STT3B: variants seen among roughly 807,000 people sequenced by gnomAD.
STT3B encodes dolichyl-diphosphooligosaccharide--protein glycosyltransferase subunit STT3B.
STT3B carries 29 observed loss-of-function variants against 96.8 expected under a neutral mutation model. That is an observed-to-expected ratio of 0.30 (90% CI 0.22 to 0.41). The LOEUF (loss-of-function observed/expected upper bound fraction) is 0.41, where lower values mean the gene tolerates loss of function less well. Among genes scored for constraint, STT3B ranks in the 10% least tolerant of loss-of-function variants. The probability of loss-of-function intolerance (pLI) is 1.00; values close to 1 mark genes in which losing one functional copy is unlikely to be tolerated. For synonymous variants in STT3B, 367 were observed against 360.0 expected, an observed-to-expected ratio of 1.02 and a Z score of -0.22; for missense variants, 640 against 1,022.3, an observed-to-expected ratio of 0.63 and a Z score of 5.10.
intron 5 of STT3B, among the ~76,000 whole-genome samples, chr3:31,608,241 T>G (rs1308652997): frequency 6.6e-6 from 1 of 152,216 alleles, no homozygotes; most frequent in African/African-American, 2.4e-5. Context: ...GGTTTTCATT[T>G]AAAATTAGAA....
At chr3:31,554,296 A>G (rs906311900) in intron 1 of STT3B, among the ~76,000 whole-genome samples, 3 of 152,208 alleles carry the variant, frequency 2.0e-5, no homozygotes, top group Non-Finnish European at 4.4e-5. Flanking sequence ...GAGCCAATGG[A>G]AAAAATGAGC....
intron 1 of STT3B, among the ~76,000 whole-genome samples, chr3:31,541,945 A>G (rs1697285065): frequency 6.6e-6 from 1 of 152,066 alleles, no homozygotes; most frequent in African/African-American, 2.4e-5. Context: ...TTATAGCGGG[A>G]GGTGCCTCTA....
At chr3:31,578,980 A>T (rs1698319900) in intron 2 of STT3B, among the ~76,000 whole-genome samples, 1 of 152,010 alleles carries the variant, frequency 6.6e-6, no homozygotes, top group Non-Finnish European at 1.5e-5. Flanking sequence ...GTTATGGAGT[A>T]AAAAAAGAGT....
In STT3B at chr3:31,611,182, A is replaced by G. The variant is rs575572273; in HGVS notation, c.878-3923A>G. 2.6e-5 allele frequency among the ~76,000 whole-genome samples: 4 copies of G among 152,304 alleles called. No homozygotes were observed. In the East Asian group the frequency reaches 5.8e-4, roughly 22 times the overall value. ...AAAACACTAGAGAACAGTACCAGAC[A>G]TTAATTACCTCTTCGAAGTCCATGT... On this transcript the variant is annotated intron_variant, in intron 5 of 15. Transcript: ENST00000295770.
At chr3:31,539,515 C>T (rs1468063311) in intron 1 of STT3B, among the ~76,000 whole-genome samples, 1 of 152,112 alleles carries the variant, frequency 6.6e-6, no homozygotes, top group Non-Finnish European at 1.5e-5. Context: ...CACCCTCTGC[C>T]TCCAGGGCCA....
intron 3 of STT3B, among the ~76,000 whole-genome samples, chr3:31,584,837 TTTCTC>T (rs1477802152): frequency 5.3e-5 from 8 of 152,152 alleles, no homozygotes; most frequent in Admixed American, 5.2e-4. Flanking sequence ...CTCATTCAGT[TTTCTC>T]TTAAGATACA....
rs552833099 is a variant in STT3B at position 31,580,167 on chromosome 3, G to A, written c.711+71G>A. ...TCTCCTGAAACACTTTAGGCTGTAC[G>A]CAGATTTGTCTTTTACAAATTATGT... On this transcript the variant is annotated intron_variant, in intron 3 of 15. Transcript: ENST00000295770. The A allele has an allele frequency of 1.9e-5, 28 of 1,472,796 alleles. No individual in the cohort carries two copies. In the African/African-American group the frequency reaches 2.7e-4, roughly 14 times the overall value. 91.2% of individuals were successfully genotyped at this position (1,472,796 alleles called of 1,614,324 possible).
At chr3:31,551,692 G>C (rs564989915) in intron 1 of STT3B, among the ~76,000 whole-genome samples, 1 of 152,278 alleles carries the variant, frequency 6.6e-6, no homozygotes, top group East Asian at 1.9e-4. Context: ...TTACAGAAAG[G>C]GTTATTTTCA....
intron 4 of STT3B, among the ~76,000 whole-genome samples, chr3:31,598,504 C>G (rs1056602344): frequency 6.6e-6 from 1 of 152,108 alleles, no homozygotes; most frequent in African/African-American, 2.4e-5. Context: ...AAAGACTGTT[C>G]TTCTGGCCCA....
intron 1 of STT3B, among the ~76,000 whole-genome samples, chr3:31,574,592 A>T (rs1432860094): frequency 6.6e-6 from 1 of 152,132 alleles, no homozygotes; most frequent in Admixed American, 6.6e-5. Flanking sequence ...TCTGGTAAAT[A>T]CTTCTTGGAA....
Position 31,619,602 on chromosome 3 carries a change from CAA to C in STT3B, c.1173-73_1173-72del. 13 of 1,308,922 alleles carry C rather than the reference CAA, an allele frequency of 9.9e-6. No individual in the cohort carries two copies. In the South Asian group the frequency reaches 1.8e-4, roughly 18 times the overall value. 81.1% of individuals were successfully genotyped at this position (1,308,922 alleles called of 1,614,324 possible). On this transcript the variant is annotated intron_variant, in intron 8 of 15. Coordinates refer to ENST00000295770, the MANE Select transcript of STT3B (RefSeq NM_178862.3). Reference sequence around the variant, plus strand: ...AGTAGGTACCATTTCTACAACCAAACAAGATTTCTTCATCTAAAAGGAACTCC... The same window carrying C: ...AGTAGGTACCATTTCTACAACCAAACGATTTCTTCATCTAAAAGGAACTCC...
At chr3:31,613,087 T>C (rs1214255939) in intron 5 of STT3B, among the ~76,000 whole-genome samples, 1 of 151,984 alleles carries the variant, frequency 6.6e-6, no homozygotes. Context: ...GCTTAGTGAG[T>C]GTAGGGTTTT....
chr3:31,628,514 TA>T (rs1165438512), intron 13 of STT3B, among the ~76,000 whole-genome samples: 5 of 152,172 alleles, frequency 3.3e-5, no homozygotes, highest in African/African-American at 1.2e-4. Context: ...ATTTTGGCCA[TA>T]TACAAGTATC....
intron 5 of STT3B, among the ~76,000 whole-genome samples, chr3:31,613,217 C>T (rs1699224110): frequency 6.6e-6 from 1 of 151,986 alleles, no homozygotes; most frequent in South Asian, 2.1e-4. Context: ...GTGACTTTCA[C>T]CTCAATTTTT....
In STT3B at chr3:31,636,411, ATTC is replaced by A. The variant is rs1468413544; in HGVS notation, c.*350_*352del. 5.7e-6 allele frequency: 1 copy of A among 175,294 alleles called. No homozygotes were observed. The allele number at this position is 175,294 out of a possible 1,614,324, so 10.9% of individuals were successfully genotyped here. ...CACATGCATACTTGTCAATGTTTTTATTCTTTTACAAGACCTGCATTTTATTTG... is the reference window on the plus strand; with the variant it reads ...CACATGCATACTTGTCAATGTTTTTATTTTACAAGACCTGCATTTTATTTG... On this transcript the variant is annotated 3_prime_UTR_variant, in exon 16 of 16. Coordinates refer to ENST00000295770, the MANE Select transcript of STT3B (RefSeq NM_178862.3).
intron 5 of STT3B, among the ~76,000 whole-genome samples, chr3:31,610,979 C>T (rs553158680): frequency 6.6e-6 from 1 of 152,228 alleles, no homozygotes; most frequent in Non-Finnish European, 1.5e-5. Flanking sequence ...TAGAGCTCAC[C>T]ACTTTGATGG....
intron 5 of STT3B, 59 bp from the exon 6 acceptor site, chr3:31,615,046 T>C: frequency 1.0e-6 from 1 of 996,278 alleles, no homozygotes; most frequent in Non-Finnish European, 1.5e-6. Flanking sequence ...TATACATTTA[T>C]GTTTTAGGTA....
intron 5 of STT3B, among the ~76,000 whole-genome samples, chr3:31,611,129 T>C (rs1356193465): frequency 6.6e-6 from 1 of 152,182 alleles, no homozygotes; most frequent in African/African-American, 2.4e-5. Context: ...GAATGATGGC[T>C]ATGGGTTTGT....
In STT3B at chr3:31,628,662, T is replaced by A. The variant is rs535926858; in HGVS notation, c.2074-636T>A. ...AATTACCACAGGAGTCTTTTTAACATTGTCCTCCCCAAATAAAGCCGATTT... is the reference window on the plus strand; with the variant it reads ...AATTACCACAGGAGTCTTTTTAACAATGTCCTCCCCAAATAAAGCCGATTT... On this transcript the variant is annotated intron_variant, in intron 13 of 15. Transcript: ENST00000295770. 1.2e-4 allele frequency among the ~76,000 whole-genome samples: 19 copies of A among 152,286 alleles called. No individual in the cohort carries two copies. The South Asian group carries it at 3.7e-3, about 30-fold the overall frequency.
Sources: allele counts gnomAD v4.1 joint callset (sites outside exome capture counted in the v4.1 genomes callset), GRCh38; gene constraint gnomAD v4.1.1; transcripts MANE v1.5; gene names NCBI Gene and HGNC (gene_info 2026-07-23, HGNC 2026-07-21).